ERICH6: variants seen among roughly 807,000 people sequenced by gnomAD.
ERICH6 encodes the protein glutamate-rich protein 6.
ERICH6 carries 71 observed loss-of-function variants against 71.0 expected under a neutral mutation model. That is an observed-to-expected ratio of 1.00 (90% CI 0.83 to 1.22). The LOEUF is 1.22. Among genes scored for constraint, ERICH6 ranks in the 50% most tolerant of loss-of-function variants. The pLI is 0.00. For missense variants in ERICH6, 808 were observed against 797.2 expected, an observed-to-expected ratio of 1.01 and a Z score of -0.16; for synonymous variants, 262 against 278.4, an observed-to-expected ratio of 0.94 and a Z score of 0.59.
Position 150,680,799 on chromosome 3 carries a change from G to T in ERICH6, c.1014C>A (p.Leu338=). 6.2e-7 allele frequency: 1 copy of T among 1,609,620 alleles called. No homozygotes were observed. The highest frequency in any genetic ancestry group is 1.1e-5 in the South Asian group (1 of 90,454). The change falls in exon 8 of 14, where the codon CTC becomes CTA. Residue 338 remains leucine, a synonymous_variant. Coordinates refer to ENST00000295910, the MANE Select transcript of ERICH6 (RefSeq NM_152394.5). ...TTTGCAGGGCTTTTTCTTTTGCCTT[G>T]AGTCTGTCGACCTCACTACCATGGG... ...HAAHGSEVDR[L]KAKEKALQRK... is the part of the protein sequence containing the mutation.
intron 11 of ERICH6, among the ~76,000 whole-genome samples, 174 bp from the exon 12 acceptor site, chr3:150,669,625 G>A (rs1275894936): frequency 6.6e-6 from 1 of 152,156 alleles, no homozygotes; most frequent in Non-Finnish European, 1.5e-5. Flanking sequence ...CTCATGAGAT[G>A]CAAAAATCCT....
chr3:150,664,386 C>T (rs748552613), intron 13 of ERICH6, among the ~76,000 whole-genome samples: 53 of 152,148 alleles, frequency 3.5e-4, no homozygotes, highest in Non-Finnish European at 6.0e-4. Flanking sequence ...CGGTGGCTCA[C>T]GCCTATAATC....
intron 13 of ERICH6, 75 bp from the exon 14 acceptor site, chr3:150,660,230 T>C (rs1727162700): frequency 3.9e-6 from 6 of 1,524,548 alleles, no homozygotes; most frequent in Middle Eastern, 1.8e-4. Flanking sequence ...AGCTGAGTCA[T>C]GGCACTTATG....
intron 3 of ERICH6, among the ~76,000 whole-genome samples, chr3:150,688,746 C>G (rs975449546): frequency 6.6e-6 from 1 of 152,230 alleles, no homozygotes; most frequent in African/African-American, 2.4e-5. Flanking sequence ...TGGGAGCCCC[C>G]TCCCGGCTTT....
At chr3:150,663,544 C>A (rs1727296167) in intron 13 of ERICH6, among the ~76,000 whole-genome samples, 1 of 132,410 alleles carries the variant, frequency 7.6e-6, no homozygotes, top group African/African-American at 3.0e-5. Flanking sequence ...GCCTTGAACC[C>A]CCTGCCCCCA....
At chr3:150,683,947 T>C (rs1001078387) in intron 6 of ERICH6, among the ~76,000 whole-genome samples, 1 of 152,210 alleles carries the variant, frequency 6.6e-6, no homozygotes, top group Non-Finnish European at 1.5e-5. Context: ...CAAGTGCCAG[T>C]TCAGGGACGT....
chr3:150,674,890 T>C (rs1711593402), intron 10 of ERICH6, among the ~76,000 whole-genome samples: 1 of 152,132 alleles, frequency 6.6e-6, no homozygotes, highest in African/African-American at 2.4e-5. Context: ...CCCAGTACTT[T>C]GGGAGGCTGA....
At chr3:150,696,002 A>G (rs997237614) in intron 3 of ERICH6, among the ~76,000 whole-genome samples, 2 of 151,990 alleles carry the variant, frequency 1.3e-5, no homozygotes, top group African/African-American at 2.4e-5. Flanking sequence ...TATTTTGAAA[A>G]AGAATAAGGA....
chr3:150,692,045 T>C (rs1033441479), intron 3 of ERICH6, among the ~76,000 whole-genome samples: 2 of 152,150 alleles, frequency 1.3e-5, no homozygotes, highest in African/African-American at 4.8e-5. Flanking sequence ...TTCTCTTTAA[T>C]CATCAATGTC....
Position 150,666,950 on chromosome 3 carries a change from T to C in ERICH6, c.1565A>G (p.Asn522Ser), listed in dbSNP as rs1727441101. The change falls in exon 13 of 14, where the codon AAT becomes AGT. Residue 522 changes from asparagine to serine, a missense_variant. Physicochemically the swap from Asn to Ser is conservative, Grantham distance 46. This residue lies in a region of ERICH6 where 736 missense variants were observed against 712.2 expected (regional missense o/e 1.03). Coordinates refer to ENST00000295910, the MANE Select transcript of ERICH6 (RefSeq NM_152394.5). ...TGAGGAAGTGATGGAATTTGACCAA[T>C]TCCAAGCCCTTATTCTGTTGCCGGC... ...DQAGNRIRAW[N>S]WSNSITSSPF... 6.2e-7 allele frequency: 1 copy of C among 1,614,162 alleles called. No homozygotes were observed. The highest frequency in any genetic ancestry group is 8.5e-7 in the Non-Finnish European group (1 of 1,180,026).
intron 3 of ERICH6, 72 bp from the exon 4 acceptor site, chr3:150,686,426 T>C: frequency 7.8e-7 from 1 of 1,289,840 alleles, no homozygotes; most frequent in Non-Finnish European, 1.1e-6. Flanking sequence ...AGAAAATACA[T>C]CTCTCAGAAA....
At chr3:150,676,452 C>T (rs1711659844) in intron 10 of ERICH6, among the ~76,000 whole-genome samples, 1 of 151,952 alleles carries the variant, frequency 6.6e-6, no homozygotes, top group Admixed American at 6.6e-5. Context: ...GATATTATTC[C>T]TCTAGATTTT....
Position 150,686,335 on chromosome 3 carries a change from C to T in ERICH6, c.573G>A (p.Glu191=). 1 of 1,614,174 alleles carries T rather than the reference C, an allele frequency of 6.2e-7. No homozygotes were observed. Among genetic ancestry groups the T allele is most frequent in the Non-Finnish European group, 8.5e-7 (1 of 1,180,008 alleles). ...ATGCCAGACATTCAGGTTCAGCTTT[C>T]TCTTTAGAGGCTTTCTTCCCTGTGA... is the stretch of plus-strand genomic sequence containing the variant. The part of the protein sequence containing the change: ...KVQSRKKASK[E]KAEPECLASK... Residue 191 remains glutamate, a synonymous_variant, in exon 4 of 14, where the codon GAG becomes GAA. Transcript: ENST00000295910.
At position 150,669,032 on chromosome 3, in the gene ERICH6, A is replaced by T. The variant is rs1711496396; in HGVS notation, c.1499+264T>A. ...CATATCATTTATCAAGTTTTTTTGT[A>T]TGTTGTAATTATATAGTTCATATAT... On this transcript the variant is annotated intron_variant, in intron 12 of 13. Coordinates refer to ENST00000295910, the MANE Select transcript of ERICH6 (RefSeq NM_152394.5). Among the ~76,000 whole-genome samples, 2 of 152,158 alleles carry T rather than the reference A, an allele frequency of 1.3e-5. 1 individual carries two copies. The highest frequency in any genetic ancestry group is 4.1e-4 in the South Asian group (2 of 4,832).
At chr3:150,675,061 A>G (rs1222424828) in intron 10 of ERICH6, among the ~76,000 whole-genome samples, 2 of 152,170 alleles carry the variant, frequency 1.3e-5, no homozygotes, top group African/African-American at 4.8e-5. Flanking sequence ...TGAACCTGGG[A>G]AGCAGAGGTT....
At chr3:150,680,737 C>A (rs1711883639) in intron 8 of ERICH6, 36 bp downstream of exon 8, 2 of 1,579,686 alleles carry the variant, frequency 1.3e-6, no homozygotes, top group Non-Finnish European at 1.7e-6. Context: ...ATTAAGCCGG[C>A]CTGTATGAGT....
Position 150,703,567 on chromosome 3 carries a change from A to T in ERICH6, c.332T>A (p.Val111Glu), listed in dbSNP as rs113365967. 1.2e-3 allele frequency: 1,932 copies of T among 1,613,600 alleles called. 17 individuals are homozygous for T. In the African/African-American group the frequency reaches 0.022, roughly 18 times the overall value. ...IVSPSLTSTF[V>E]PSQSATSTET... The stretch of plus-strand genomic sequence containing the variant: ...AGTGCTGGTCGCGCTCTGGCTGGGC[A>T]CGAACGTAGAGGTCAGGCTAGGGCT... Residue 111 changes from valine (V) to glutamate (E), a missense_variant, in exon 1 of 14, where the codon GTG (valine) becomes GAG (glutamate). Physicochemically the swap from Val to Glu is moderately radical, Grantham distance 121. This residue lies in a region of ERICH6 where 736 missense variants were observed against 712.2 expected (regional missense o/e 1.03). Transcript: ENST00000295910.
chr3:150,702,757 C>T (rs866096691), intron 1 of ERICH6, among the ~76,000 whole-genome samples: 1 of 150,160 alleles, frequency 6.7e-6, no homozygotes, highest in African/African-American at 2.4e-5. Context: ...GACTTCTCTG[C>T]TTCTTTTTTC....
chr3:150,680,494 CT>C lies in ERICH6; in HGVS notation c.1084del (p.Arg362GlyfsTer14). 6.2e-7 allele frequency: 1 copy of C among 1,614,180 alleles called. No homozygotes were observed. The highest frequency in any genetic ancestry group is 8.5e-7 in the Non-Finnish European group (1 of 1,180,024). On this transcript the variant is annotated frameshift_variant, in exon 9 of 14. Transcript: ENST00000295910. LOFTEE classifies it high-confidence loss of function. ...ATCTTCAGAGAAATGAGTCTGTTCCCTTGATATTATTGCAAAATGTCTGGCC... is the reference window on the plus strand; with the variant it reads ...ATCTTCAGAGAAATGAGTCTGTTCCCTGATATTATTGCAAAATGTCTGGCC... ...RMARHFAIIS[R>X]EQTHFSEDDS...
Sources: gnomAD v4.1 joint callset for allele counts (sites outside exome capture counted in the v4.1 genomes callset) on GRCh38, gnomAD v4.1.1 for gene constraint, gnomAD v4.1.1 regional missense constraint, MANE v1.5 for transcripts, NCBI Gene and HGNC (gene_info 2026-07-23, HGNC 2026-07-21) for gene names.